Variants in PDE9A observed in about 807,000 individuals in gnomAD.
PDE9A encodes high affinity cGMP-specific 3',5'-cyclic phosphodiesterase 9A.
In PDE9A, 60 loss-of-function variants were observed where a neutral mutation model predicts 87.4. The ratio of observed to expected loss-of-function variants is 0.69; its 90% confidence interval spans 0.56 to 0.85. The LOEUF is 0.85. Ranked by LOEUF, PDE9A falls within the 40% of genes least tolerant of loss-of-function variation. The probability of loss-of-function intolerance (pLI) is 0.00; values close to 1 mark genes in which losing one functional copy is unlikely to be tolerated. For missense variants in PDE9A, 665 were observed against 779.0 expected (o/e 0.85, Z 1.74); for synonymous variants, 272 against 279.4 (o/e 0.97, Z 0.27).
chr21:42,757,112 C>CCTGGG (rs2055154973), intron 10 of PDE9A: 1 of 152,386 alleles, frequency 6.6e-6, no homozygotes, highest in Admixed American at 6.5e-5. Flanking sequence ...ATCCAGGTGG[C>CCTGGG]AGCTGACCAG....
At chr21:42,769,616 G>GCA (rs2056802198) in intron 17 of PDE9A, among the ~76,000 whole-genome samples, 1 of 95,330 alleles carries the variant, frequency 1.0e-5, no homozygotes, top group African/African-American at 4.4e-5. Flanking sequence ...GCACATGCAG[G>GCA]TACACATGCA....
At chr21:42,670,733 CCACATTCACA>C (rs1474827286) in intron 1 of PDE9A, among the ~76,000 whole-genome samples, 1 of 147,674 alleles carries the variant, frequency 6.8e-6, no homozygotes, top group Non-Finnish European at 1.5e-5. Flanking sequence ...TCACATACAC[CCACATTCACA>C]CACATACACT....
intron 1 of PDE9A, among the ~76,000 whole-genome samples, chr21:42,679,974 A>T (rs962090272): frequency 6.6e-6 from 1 of 152,182 alleles, no homozygotes; most frequent in Non-Finnish European, 1.5e-5. Context: ...GGGTGTGGGG[A>T]GCAGGCTCAG....
intron 1 of PDE9A, among the ~76,000 whole-genome samples, chr21:42,668,008 G>C (rs1290478147): frequency 1.3e-5 from 2 of 152,152 alleles, no homozygotes; most frequent in African/African-American, 2.4e-5. Flanking sequence ...AAGTTGGAGA[G>C]AGGGGTGCAC....
intron 4 of PDE9A, 112 bp from the exon 5 acceptor site, chr21:42,731,658 T>G: frequency 9.1e-7 from 1 of 1,097,998 alleles, no homozygotes; most frequent in Non-Finnish European, 1.3e-6. Context: ...TGTTCTGAAT[T>G]GAGACGTGCC....
rs747067199 is a variant in PDE9A at position 42,732,174 on chromosome 21, T to C, written c.497+50T>C. ...CCAGCCAGAGATGGGCACATCTTTC[T>C]CTAAGAGCGAGGGCAGGCCCCAGGC... On this transcript the variant is annotated intron_variant, in intron 6 of 19. Transcript: ENST00000291539. 3.9e-6 allele frequency: 6 copies of C among 1,555,354 alleles called. No individual in the cohort carries two copies. The Admixed American group carries it at 1.0e-4, about 26-fold the overall frequency.
chr21:42,662,216 C>T (rs74357394), intron 1 of PDE9A, among the ~76,000 whole-genome samples: 5,625 of 152,126 alleles, frequency 0.037, 339 homozygotes, highest in African/African-American at 0.13. Context: ...CTGGTGGAGA[C>T]CCGGGCGCCA....
intron 9 of PDE9A, 55 bp from the exon 10 acceptor site, chr21:42,753,935 A>G: frequency 2.3e-6 from 2 of 879,608 alleles, no homozygotes; most frequent in Non-Finnish European, 3.8e-6. Context: ...CAGCATGCAC[A>G]TCACTGTCAC....
At chr21:42,770,919 G>A in intron 18 of PDE9A, 121 bp downstream of exon 18, 1 of 696,716 alleles carries the variant, frequency 1.4e-6, no homozygotes, top group Non-Finnish European at 2.6e-6. Flanking sequence ...CCGTGGACAG[G>A]CACACGTGTA....
chr21:42,745,725 G>A (rs566550061), intron 8 of PDE9A, among the ~76,000 whole-genome samples: 3 of 152,256 alleles, frequency 2.0e-5, no homozygotes, highest in Non-Finnish European at 4.4e-5. Flanking sequence ...GGGTGGTGCT[G>A]CCTGGCAGGG....
intron 1 of PDE9A, among the ~76,000 whole-genome samples, chr21:42,666,048 T>G (rs2057955781): frequency 6.6e-6 from 1 of 152,206 alleles, no homozygotes; most frequent in African/African-American, 2.4e-5. Context: ...CCCAAGGGCC[T>G]TCAGGCCCTG....
At chr21:42,703,709 G>C (rs879674271) in intron 4 of PDE9A, among the ~76,000 whole-genome samples, 1 of 152,178 alleles carries the variant, frequency 6.6e-6, no homozygotes, top group Non-Finnish European at 1.5e-5. Context: ...GGAGGACTCC[G>C]GCAAAGGCTG....
chr21:42,670,390 ATT>A (rs1237710262), intron 1 of PDE9A, among the ~76,000 whole-genome samples: 154 of 125,050 alleles, frequency 1.2e-3, no homozygotes, highest in African/African-American at 6.3e-3. Context: ...TCACATTTAC[ATT>A]CACAAACATT....
intron 4 of PDE9A, among the ~76,000 whole-genome samples, chr21:42,720,292 G>A (rs528099260): frequency 2.7e-4 from 41 of 152,206 alleles, no homozygotes; most frequent in African/African-American, 7.9e-4. Context: ...TTGGGAGTTC[G>A]AGACCAGCCT....
intron 1 of PDE9A, among the ~76,000 whole-genome samples, chr21:42,668,714 G>A (rs186354515): frequency 1.4e-4 from 21 of 152,364 alleles, no homozygotes; most frequent in East Asian, 3.9e-4. Context: ...AGCCCTGTGC[G>A]GAGGCCCGGG....
chr21:42,662,861 C>CAT (rs2057662671), intron 1 of PDE9A, among the ~76,000 whole-genome samples: 1 of 145,928 alleles, frequency 6.9e-6, no homozygotes. Flanking sequence ...ATGCACATCA[C>CAT]ACACGTACAC....
chr21:42,772,558 A>T (rs2057119476), intron 19 of PDE9A, 38 bp downstream of exon 19: 1 of 1,349,884 alleles, frequency 7.4e-7, no homozygotes, highest in Non-Finnish European at 1.0e-6. Flanking sequence ...CTCAGCGCAT[A>T]CAATGATTCT....
intron 1 of PDE9A, among the ~76,000 whole-genome samples, chr21:42,683,599 T>G (rs1212363771): frequency 3.9e-5 from 6 of 152,190 alleles, no homozygotes; most frequent in Non-Finnish European, 5.9e-5. Flanking sequence ...GGCCCCATGC[T>G]CCTGAGATGG....
chr21:42,707,727 G>T (rs2048958838), intron 4 of PDE9A, among the ~76,000 whole-genome samples: 1 of 152,202 alleles, frequency 6.6e-6, no homozygotes, highest in South Asian at 2.1e-4. Context: ...TCATTTGGAT[G>T]AAATAGCCTT....
Sources: gnomAD v4.1 joint callset for allele counts (sites outside exome capture counted in the v4.1 genomes callset) on GRCh38, gnomAD v4.1.1 for gene constraint, MANE v1.5 for transcripts, NCBI Gene and HGNC (gene_info 2026-07-23, HGNC 2026-07-21) for gene names.